Variants in RALYL observed in about 807,000 individuals in gnomAD.
The protein encoded by RALYL is RNA-binding Raly-like protein.
RALYL carries 29 observed loss-of-function variants against 35.1 expected under a neutral mutation model. The ratio of observed to expected loss-of-function variants is 0.83; its 90% confidence interval spans 0.61 to 1.13. RALYL has a LOEUF of 1.13. RALYL is among the 50% of genes most tolerant of loss of function. The pLI, the probability that RALYL is intolerant of heterozygous loss-of-function variation, is 0.00. For missense variants in RALYL, 359 were observed against 360.4 expected (o/e 1.00, Z 0.03); for synonymous variants, 120 against 127.6 (o/e 0.94, Z 0.40).
At chr8:84,555,234 A>G (rs755719380) in intron 2 of RALYL, among the ~76,000 whole-genome samples, 2 of 152,090 alleles carry the variant, frequency 1.3e-5, no homozygotes, top group Admixed American at 1.3e-4. Context: ...AGCCGAGATC[A>G]TGCCACTGCA....
At chr8:84,697,739 C>G (rs1839419478) in intron 2 of RALYL, among the ~76,000 whole-genome samples, 1 of 151,936 alleles carries the variant, frequency 6.6e-6, no homozygotes, top group Non-Finnish European at 1.5e-5. Flanking sequence ...CTCTCTTCTC[C>G]CACCCTCCAC....
intron 2 of RALYL, among the ~76,000 whole-genome samples, chr8:84,674,769 C>T (rs1833879849): frequency 6.6e-6 from 1 of 152,096 alleles, no homozygotes; most frequent in African/African-American, 2.4e-5. Flanking sequence ...CTTTTTAGCT[C>T]TTAGTGCAGT....
intron 1 of RALYL, among the ~76,000 whole-genome samples, chr8:84,196,800 T>G (rs536707923): frequency 5.9e-5 from 9 of 152,358 alleles, no homozygotes; most frequent in African/African-American, 1.9e-4. Flanking sequence ...AAATCCTAAA[T>G]AGAAATCCAT....
intron 1 of RALYL, among the ~76,000 whole-genome samples, chr8:84,516,261 TA>T (rs1474575001): frequency 6.6e-6 from 1 of 152,058 alleles, no homozygotes; most frequent in Non-Finnish European, 1.5e-5. Flanking sequence ...ACATAGAGTT[TA>T]TAATATATTT....
chr8:84,401,669 G>GACCTTACT (rs1430051071), intron 1 of RALYL, among the ~76,000 whole-genome samples: 1 of 57,742 alleles, frequency 1.7e-5, no homozygotes, highest in Non-Finnish European at 3.6e-5. Flanking sequence ...AAAAAAAAAA[G>GACCTTACT]ACCTTACTAT....
At chr8:84,702,914 G>A (rs1043897297) in intron 2 of RALYL, among the ~76,000 whole-genome samples, 3 of 152,094 alleles carry the variant, frequency 2.0e-5, no homozygotes, top group African/African-American at 7.2e-5. Context: ...TGAGGAGAAT[G>A]TTTGTTAATT....
At chr8:84,336,797 G>T (rs1847886715) in intron 1 of RALYL, among the ~76,000 whole-genome samples, 1 of 151,918 alleles carries the variant, frequency 6.6e-6, no homozygotes, top group South Asian at 2.1e-4. Flanking sequence ...GAAAGTGAGG[G>T]CCATCCATTA....
chr8:84,321,331 T>C (rs1310119260), intron 1 of RALYL, among the ~76,000 whole-genome samples: 6 of 152,032 alleles, frequency 3.9e-5, no homozygotes, highest in African/African-American at 1.2e-4. Flanking sequence ...AGAAATGATA[T>C]CTTGGGGCAG....
Position 84,428,441 on chromosome 8 carries a change from C to CT in RALYL, c.-23-100853dup, listed in dbSNP as rs376480360. Among the ~76,000 whole-genome samples the CT allele has an allele frequency of 1.5e-3, 227 of 152,054 alleles. 2 individuals are homozygous for CT. Among genetic ancestry groups the CT allele is most frequent in the African/African-American group, 4.5e-3 (185 of 41,486 alleles). ...CAGATGTACGATTTAGATCACTTACCTTTTTCTTCCTTATTTTTCTTGAGT... is the reference window on the plus strand; with the variant it reads ...CAGATGTACGATTTAGATCACTTACCTTTTTTCTTCCTTATTTTTCTTGAGT... On this transcript the variant is annotated intron_variant, in intron 1 of 8. Transcript: ENST00000521268.
chr8:84,489,570 C>T (rs2055024929), intron 1 of RALYL, among the ~76,000 whole-genome samples: 1 of 151,918 alleles, frequency 6.6e-6, no homozygotes, highest in Non-Finnish European at 1.5e-5. Context: ...CAGAAACTGG[C>T]AAGCTGAAAA....
At chr8:84,684,267 C>G (rs1202577864) in intron 2 of RALYL, among the ~76,000 whole-genome samples, 1 of 152,144 alleles carries the variant, frequency 6.6e-6, no homozygotes, top group Non-Finnish European at 1.5e-5. Context: ...ATACGTGATA[C>G]TTGTGCCAAG....
chr8:84,586,854 A>G (rs1201022314), intron 2 of RALYL, among the ~76,000 whole-genome samples: 4 of 152,212 alleles, frequency 2.6e-5, no homozygotes, highest in African/African-American at 9.6e-5. Flanking sequence ...AACCATTGCT[A>G]AAGCACCATA....
At chr8:84,317,222 T>G (rs1843923879) in intron 1 of RALYL, among the ~76,000 whole-genome samples, 1 of 121,932 alleles carries the variant, frequency 8.2e-6, no homozygotes, top group Non-Finnish European at 1.7e-5. Context: ...GAAAACATTA[T>G]GTTAGATGCT....
intron 1 of RALYL, among the ~76,000 whole-genome samples, chr8:84,403,522 C>CTTTTTTTTTTTTTTTTTTT (rs2043136000): frequency 1.9e-5 from 1 of 52,118 alleles, no homozygotes; most frequent in African/African-American, 6.8e-5. Flanking sequence ...GTCTATATCT[C>CTTTTTTTTTTTTTTTTTTT]TGTTTTTTTT....
intron 2 of RALYL, among the ~76,000 whole-genome samples, chr8:84,738,154 C>A (rs985396240): frequency 4.6e-5 from 7 of 151,862 alleles, no homozygotes; most frequent in Admixed American, 1.3e-4. Context: ...AGCCAAAGGA[C>A]CCCCATCTAA....
intron 1 of RALYL, among the ~76,000 whole-genome samples, chr8:84,269,166 C>T (rs1833852347): frequency 6.6e-6 from 1 of 152,068 alleles, no homozygotes; most frequent in African/African-American, 2.4e-5. Context: ...TTATTTTACA[C>T]TATTGAAATT....
chr8:84,480,663 T>C (rs28552445), intron 1 of RALYL, among the ~76,000 whole-genome samples: 6,035 of 152,210 alleles, frequency 0.04, 244 homozygotes, highest in African/African-American at 0.099. Context: ...GCGTTCAAGA[T>C]AGGGGACTTT....
At chr8:84,330,543 C>T (rs1260127475) in intron 1 of RALYL, among the ~76,000 whole-genome samples, 7 of 152,036 alleles carry the variant, frequency 4.6e-5, no homozygotes, top group African/African-American at 1.7e-4. Flanking sequence ...TATTATTCAG[C>T]TACTATAAAT....
chr8:84,814,806 G>A (rs1826797005), intron 4 of RALYL, among the ~76,000 whole-genome samples: 1 of 152,016 alleles, frequency 6.6e-6, no homozygotes, highest in Non-Finnish European at 1.5e-5. Context: ...TCATTGAGGG[G>A]GGAAAAAAGA....
Sources: gnomAD v4.1 joint callset for allele counts (sites outside exome capture counted in the v4.1 genomes callset) on GRCh38, gnomAD v4.1.1 for gene constraint, MANE v1.5 for transcripts, NCBI Gene and HGNC (gene_info 2026-07-23, HGNC 2026-07-21) for gene names.